The following GLI2 variants were observed in gnomAD, a reference collection of about 807,000 sequenced individuals.
GLI2 encodes GLI family zinc finger 2.
A neutral mutation model predicts 78.9 loss-of-function variants in GLI2; 22 were observed. The ratio of observed to expected loss-of-function variants is 0.28; its 90% CI spans 0.20 to 0.40. The LOEUF (loss-of-function observed/expected upper bound fraction) is 0.40, where lower values mean the gene tolerates loss of function less well. Ranked by LOEUF, GLI2 falls within the 10% of genes least tolerant of loss-of-function variation. GLI2 has a pLI of 1.00. For missense variants in GLI2, 2,097 were observed against 2,213.2 expected (o/e 0.95, Z 1.05); for synonymous variants, 974 against 963.7 (o/e 1.01, Z -0.20).
chr2:120,853,534 C>A (rs543754031), intron 2 of GLI2, among the ~76,000 whole-genome samples: 30 of 152,264 alleles, frequency 2.0e-4, no homozygotes, highest in African/African-American at 7.0e-4. Flanking sequence ...GATTGCAATG[C>A]TGAGCTTTCT....
At chr2:120,951,996 A>T (rs1177693649) in intron 4 of GLI2, among the ~76,000 whole-genome samples, 1 of 152,242 alleles carries the variant, frequency 6.6e-6, no homozygotes, top group African/African-American at 2.4e-5. Flanking sequence ...GGTGTGACTA[A>T]TTTCAGCCAG....
chr2:120,740,691 C>T (rs960176569), intron 1 of GLI2, among the ~76,000 whole-genome samples: 3 of 152,192 alleles, frequency 2.0e-5, no homozygotes, highest in Non-Finnish European at 4.4e-5. Flanking sequence ...CTTTTTCACA[C>T]GTTCACTTTT....
intron 2 of GLI2, among the ~76,000 whole-genome samples, chr2:120,921,581 G>C (rs552527917): frequency 6.6e-6 from 1 of 152,288 alleles, no homozygotes; most frequent in South Asian, 2.1e-4. Flanking sequence ...TGTACAAGGA[G>C]TGTGAGACCC....
Position 120,748,983 on chromosome 2 carries a change from T to A in GLI2, c.-31+12698T>A, listed in dbSNP as rs1470813869. On this transcript the variant is annotated intron_variant, in intron 1 of 13. Coordinates refer to ENST00000361492, the MANE Select transcript of GLI2 (RefSeq NM_001374353.1). ...ATCCATCCTTCCACCCATCCATCCA[T>A]CATACATTCATTGACTGCAAGGATT... Among the ~76,000 whole-genome samples, 5 of 152,258 alleles carry A rather than the reference T, an allele frequency of 3.3e-5. No homozygotes were observed. In the East Asian group the frequency reaches 5.8e-4, roughly 18 times the overall value.
intron 1 of GLI2, among the ~76,000 whole-genome samples, chr2:120,759,761 A>G (rs888480458): frequency 6.6e-6 from 1 of 152,130 alleles, no homozygotes; most frequent in East Asian, 1.9e-4. Flanking sequence ...GGTTGGAGGT[A>G]GGGCTGAAAA....
intron 2 of GLI2, among the ~76,000 whole-genome samples, chr2:120,874,188 G>T (rs1360860461): frequency 6.6e-6 from 1 of 152,176 alleles, no homozygotes; most frequent in East Asian, 1.9e-4. Flanking sequence ...AGCCCGGTCT[G>T]TGCGGGCTCC....
At chr2:120,775,885 A>C (rs1194896848) in intron 1 of GLI2, among the ~76,000 whole-genome samples, 1 of 152,192 alleles carries the variant, frequency 6.6e-6, no homozygotes, top group Non-Finnish European at 1.5e-5. Flanking sequence ...GCATCAGCCA[A>C]GTAACAGCAG....
chr2:120,874,787 A>C (rs1019738412), intron 2 of GLI2, among the ~76,000 whole-genome samples: 1 of 152,140 alleles, frequency 6.6e-6, no homozygotes, highest in African/African-American at 2.4e-5. Context: ...CCCAGCCAAG[A>C]AGAAAAGAGT....
intron 2 of GLI2, among the ~76,000 whole-genome samples, chr2:120,828,314 G>A (rs1573443022): frequency 2.0e-5 from 3 of 152,236 alleles, no homozygotes; most frequent in Non-Finnish European, 4.4e-5. Context: ...TGTGAGGCCA[G>A]CCTCTTGTCT....
chr2:120,908,340 G>T (rs1678647963), intron 2 of GLI2, among the ~76,000 whole-genome samples: 1 of 152,214 alleles, frequency 6.6e-6, no homozygotes, highest in Non-Finnish European at 1.5e-5. Context: ...GCACACTTGG[G>T]TAGAACAAGA....
chr2:120,843,698 C>T (rs1393875238), intron 2 of GLI2, among the ~76,000 whole-genome samples: 2 of 151,906 alleles, frequency 1.3e-5, no homozygotes, highest in East Asian at 3.9e-4. Flanking sequence ...ACAGAGTCTC[C>T]CTCTGTCTCC....
intron 2 of GLI2, among the ~76,000 whole-genome samples, chr2:120,798,004 A>T (rs1442540299): frequency 2.0e-5 from 3 of 151,684 alleles, no homozygotes; most frequent in Non-Finnish European, 2.9e-5. Flanking sequence ...AAAGAGAAAG[A>T]CTCTCTGGTT....
chr2:120,826,432 C>A (rs1686063436), intron 2 of GLI2, among the ~76,000 whole-genome samples: 1 of 152,188 alleles, frequency 6.6e-6, no homozygotes, highest in Non-Finnish European at 1.5e-5. Flanking sequence ...CCAGCCCCCT[C>A]CCTCTGCTGC....
intron 1 of GLI2, among the ~76,000 whole-genome samples, chr2:120,795,806 T>A (rs1427558310): frequency 1.3e-5 from 2 of 152,118 alleles, no homozygotes; most frequent in Admixed American, 1.3e-4. Flanking sequence ...TCCCAGCACT[T>A]TAGGAGGCCA....
chr2:120,773,653 C>T (rs913799795), intron 1 of GLI2, among the ~76,000 whole-genome samples: 6 of 152,140 alleles, frequency 3.9e-5, no homozygotes, highest in African/African-American at 1.4e-4. Flanking sequence ...CAGGTAGCCC[C>T]CAGTTGGCTG....
At chr2:120,888,634 GT>G (rs542896105) in intron 2 of GLI2, among the ~76,000 whole-genome samples, 1,612 of 151,722 alleles carry the variant, frequency 0.011, 32 homozygotes, top group African/African-American at 0.037. Context: ...AGATTGTTGA[GT>G]TTTTTTTTAT....
At position 120,970,379 on chromosome 2, in the gene GLI2, G is replaced by A. The variant is rs375513993; in HGVS notation, c.846-14G>A. On this transcript the variant is annotated splice_polypyrimidine_tract_variant and intron_variant, in intron 6 of 13. Coordinates refer to ENST00000361492, the MANE Select transcript of GLI2 (RefSeq NM_001374353.1). ...ATCCCCCACCCCCACTTCCTTGTCT[G>A]CTCTCTGTTGCAGCCCAGCCTTCAC... The A allele has an allele frequency of 1.3e-6, 2 of 1,496,096 alleles. No homozygotes were observed. Among genetic ancestry groups the A allele is most frequent in the African/African-American group, 2.8e-5 (2 of 72,274 alleles). The allele number at this position is 1,496,096 out of a possible 1,614,324, so 92.7% of individuals were successfully genotyped here.
chr2:120,945,142 G>A lies in GLI2; in HGVS notation c.255-6101G>A, dbSNP rs538730733. On this transcript the variant is annotated intron_variant, in intron 3 of 13. Transcript: ENST00000361492. The stretch of plus-strand genomic sequence containing the variant: ...TCCTGGCACTGCCTGCAGCCTCCTG[G>A]GGCAAGGACCCAATCACAGTCAGCA... Among the ~76,000 whole-genome samples, 23 of 152,312 alleles carry A rather than the reference G, an allele frequency of 1.5e-4. 1 individual carries two copies. The South Asian group carries it at 4.8e-3, about 32-fold the overall frequency.
chr2:120,912,799 A>G lies in GLI2; in HGVS notation c.149-14562A>G, dbSNP rs983792255. On this transcript the variant is annotated intron_variant, in intron 2 of 13. Transcript: ENST00000361492. ...CCGTGTCTGGGAACACTCCAAGCTT[A>G]TCAAGAACGCAGCGGGCAGCAATCC... Among the ~76,000 whole-genome samples, 6 of 152,118 alleles carry G rather than the reference A, an allele frequency of 3.9e-5. No individual in the cohort carries two copies. In the East Asian group the frequency reaches 9.6e-4, roughly 24 times the overall value.
Sources: gnomAD v4.1 joint callset for allele counts (sites outside exome capture counted in the v4.1 genomes callset) on GRCh38, gnomAD v4.1.1 for gene constraint, MANE v1.5 for transcripts, NCBI Gene and HGNC (gene_info 2026-07-23, HGNC 2026-07-21) for gene names.